Variants in KERA observed in about 807,000 individuals in gnomAD.
KERA encodes the protein keratocan.
KERA carries 25 observed loss-of-function variants against 26.4 expected under a neutral mutation model. The observed-to-expected ratio is 0.95, with a 90% CI of 0.69 to 1.32. The LOEUF (loss-of-function observed/expected upper bound fraction) is 1.32. KERA is among the 40% of genes most tolerant of loss of function. KERA has a pLI of 0.00. For missense variants in KERA, 434 were observed against 408.9 expected (o/e 1.06, Z -0.53); for synonymous variants, 167 against 146.1 (o/e 1.14, Z -1.03).
intron 1 of KERA, among the ~76,000 whole-genome samples, chr12:91,057,468 G>A (rs149857559): frequency 0.029 from 4,310 of 150,372 alleles, 88 homozygotes; most frequent in Non-Finnish European, 0.046. Flanking sequence ...TGATTCCTTA[G>A]GAAAAGATAA....
intron 2 of KERA, among the ~76,000 whole-genome samples, chr12:91,055,035 A>G (rs1878955936): frequency 6.6e-6 from 1 of 151,248 alleles, no homozygotes; most frequent in Non-Finnish European, 1.5e-5. Context: ...CTTTATTACT[A>G]GTCATGAGGT....
intron 1 of KERA, among the ~76,000 whole-genome samples, chr12:91,057,079 T>C (rs1368570361): frequency 6.6e-6 from 1 of 150,614 alleles, no homozygotes; most frequent in African/African-American, 2.4e-5. Context: ...GTTGAATACA[T>C]TGTGATGTAT....
At chr12:91,054,869 G>A (rs1878951051) in intron 2 of KERA, among the ~76,000 whole-genome samples, 1 of 151,194 alleles carries the variant, frequency 6.6e-6, no homozygotes, top group Non-Finnish European at 1.5e-5. Flanking sequence ...CAGAAATTCT[G>A]GGGGTGGAGT....
chr12:91,054,872 G>T (rs913320292), intron 2 of KERA, among the ~76,000 whole-genome samples: 38 of 151,170 alleles, frequency 2.5e-4, no homozygotes, highest in African/African-American at 9.0e-4. Flanking sequence ...AAATTCTGGG[G>T]GTGGAGTCAC....
rs375826916 is a variant in KERA at position 91,054,540 on chromosome 12, G to T, written c.886+856C>A. The stretch of plus-strand genomic sequence containing the variant: ...GCCTAGTCTCATGCATAATTGTGAA[G>T]AAGCCAAGTTTGTCTCTAATGTGTC... On this transcript the variant is annotated intron_variant, in intron 2 of 2. Coordinates refer to ENST00000266719, the MANE Select transcript of KERA (RefSeq NM_007035.4). Among the ~76,000 whole-genome samples, 5 of 151,360 alleles carry T rather than the reference G, an allele frequency of 3.3e-5. No homozygotes were observed. In the South Asian group the frequency reaches 6.2e-4, roughly 19 times the overall value.
intron 2 of KERA, among the ~76,000 whole-genome samples, chr12:91,052,355 T>C (rs969478027): frequency 5.3e-5 from 8 of 151,492 alleles, no homozygotes; most frequent in African/African-American, 1.9e-4. Context: ...TGAATCCATA[T>C]ATTACCTTTA....
intron 1 of KERA, among the ~76,000 whole-genome samples, chr12:91,056,983 C>G (rs974014273): frequency 4.0e-5 from 6 of 150,794 alleles, no homozygotes; most frequent in African/African-American, 7.3e-5. Flanking sequence ...CCCTTTCTCT[C>G]TCTCTCTCTC....
In KERA at chr12:91,055,683, G is replaced by A; in HGVS notation, c.599C>T (p.Ala200Val). The change falls in exon 2 of 3, where the codon GCC (alanine) becomes GTC (valine). Residue 200 changes from alanine to valine, a missense_variant. Physicochemically the swap from Ala to Val is moderately conservative, Grantham distance 64. Coordinates refer to ENST00000266719, the MANE Select transcript of KERA (RefSeq NM_007035.4). ...GLKNLMQLNM[A>V]KNALRNMPPR... ...AGGCATATTCCTCAGGGCATTCTTG[G>A]CCATGTTTAGCTGCATGAGATTCTT... 5 of 1,611,304 alleles carry A rather than the reference G, an allele frequency of 3.1e-6. No individual in the cohort carries two copies. Among genetic ancestry groups the A allele is most frequent in the Non-Finnish European group, 4.2e-6 (5 of 1,178,196 alleles).
At chr12:91,054,516 C>A (rs1878941709) in intron 2 of KERA, among the ~76,000 whole-genome samples, 1 of 151,246 alleles carries the variant, frequency 6.6e-6, no homozygotes, top group Admixed American at 6.6e-5. Context: ...CCAAGTCCAG[C>A]CTAGTCTCAT....
chr12:91,057,045 T>C (rs112978642), intron 1 of KERA, among the ~76,000 whole-genome samples: 11 of 150,812 alleles, frequency 7.3e-5, no homozygotes, highest in Non-Finnish European at 1.2e-4. Flanking sequence ...TATGTATATA[T>C]AGAGATAGAG....
At chr12:91,055,058 G>A (rs1319214871) in intron 2 of KERA, among the ~76,000 whole-genome samples, 1 of 151,086 alleles carries the variant, frequency 6.6e-6, no homozygotes, top group Non-Finnish European at 1.5e-5. Context: ...TTTGTGCCTG[G>A]TATGGTTTCT....
Position 91,051,477 on chromosome 12 carries a change from G to T in KERA, c.928C>A (p.Pro310Thr). Residue 310 changes from proline (P) to threonine (T), a missense_variant, in exon 3 of 3, where the codon CCT (proline) becomes ACT (threonine). By Grantham distance (38) the Pro-to-Thr change is conservative (BLOSUM62 -1). Coordinates refer to ENST00000266719, the MANE Select transcript of KERA (RefSeq NM_007035.4). ...SVICPSPSMLPAERDSFSYGP... is the reference protein window; with the variant it reads ...SVICPSPSMLTAERDSFSYGP... ...TAACTGAAGGAATCTCGTTCTGCAG[G>T]CAGCATGGATGGGCTGGGACATATT... is the stretch of plus-strand genomic sequence containing the variant. The T allele has an allele frequency of 6.2e-7, 1 of 1,610,664 alleles. No individual in the cohort carries two copies. Among genetic ancestry groups the T allele is most frequent in the African/African-American group, 1.3e-5 (1 of 74,802 alleles).
At chr12:91,051,980 C>T (rs538780373) in intron 2 of KERA, among the ~76,000 whole-genome samples, 10 of 151,436 alleles carry the variant, frequency 6.6e-5, no homozygotes, top group Non-Finnish European at 1.2e-4. Flanking sequence ...AGTAGAAAAT[C>T]AATCTAATAT....
rs779832101 is a variant in KERA at position 91,055,428 on chromosome 12, T to C, written c.854A>G (p.Gln285Arg). The C allele has an allele frequency of 1.7e-5, 28 of 1,610,296 alleles. No individual in the cohort carries two copies. The highest frequency in any genetic ancestry group is 1.3e-5 in the Non-Finnish European group (15 of 1,177,578). ...TKVPRISAHL[Q>R]HLHLDHNKIK... ...TTTGTTATGATCAAGGTGAAGGTGC[T>C]GCAGATGAGCACTGATTCGGGGAAC... Residue 285 changes from glutamine to arginine, a missense_variant, in exon 2 of 3, where the codon CAG becomes CGG. Transcript: ENST00000266719.
rs752958703 is a variant in KERA, at chr12:91,051,510, C to A, written c.895G>T (p.Val299Phe). 6.2e-7 allele frequency: 1 copy of A among 1,607,130 alleles called. No homozygotes were observed. Among genetic ancestry groups the A allele is most frequent in the South Asian group, 1.1e-5 (1 of 90,962 alleles). The change falls in exon 3 of 3, where the codon GTC (valine) becomes TTC (phenylalanine). Residue 299 changes from valine to phenylalanine, a missense_variant. Val to Phe is a conservative substitution (Grantham distance 50). Transcript: ENST00000266719. ...GATGGGCTGGGACATATTACAGAGACATTCACACCTACAGTGACAAAGAGA... is the reference window on the plus strand; with the variant it reads ...GATGGGCTGGGACATATTACAGAGAAATTCACACCTACAGTGACAAAGAGA... ...LDHNKIKSVN[V>F]SVICPSPSML...
Position 91,055,726 on chromosome 12 carries a change from C to A in KERA, c.556G>T (p.Asp186Tyr), listed in dbSNP as rs756854659. Residue 186 changes from aspartate to tyrosine, a missense_variant, in exon 2 of 3, where the codon GAC becomes TAC. Transcript: ENST00000266719. ...NKLVDNAFQR[D>Y]TFKGLKNLMQ... ...AGATTCTTGAGTCCTTTAAAAGTGT[C>A]TCTTTGAAAGGCATTGTCCACTAAT... The A allele has an allele frequency of 1.5e-5, 24 of 1,611,384 alleles. No individual in the cohort carries two copies. Among genetic ancestry groups the A allele is most frequent in the Non-Finnish European group, 2.0e-5 (24 of 1,178,248 alleles).
chr12:91,051,511 A>G lies in KERA; in HGVS notation c.894T>C (p.Asn298=). 1.2e-6 allele frequency: 2 copies of G among 1,606,922 alleles called. No individual in the cohort carries two copies. The highest frequency in any genetic ancestry group is 1.7e-6 in the Non-Finnish European group (2 of 1,174,284). ...HLDHNKIKSV[N]VSVICPSPSM... is the part of the protein sequence containing the mutation. ...ATGGGCTGGGACATATTACAGAGAC[A>G]TTCACACCTACAGTGACAAAGAGAA... Residue 298 remains asparagine, a synonymous_variant, in exon 3 of 3, where the codon AAT becomes AAC. Transcript: ENST00000266719.
At chr12:91,052,042 C>T (rs1342663076) in intron 2 of KERA, among the ~76,000 whole-genome samples, 1 of 151,538 alleles carries the variant, frequency 6.6e-6, no homozygotes, top group East Asian at 1.9e-4. Flanking sequence ...GTGTGCATAA[C>T]ATGATTTTAA....
At position 91,056,306 on chromosome 12, in the gene KERA, A is replaced by C. The variant is rs1296304136; in HGVS notation, c.-8-17T>G. On this transcript the variant is annotated splice_polypyrimidine_tract_variant and intron_variant, in intron 1 of 2. Transcript: ENST00000266719. ...TTATAGCACCTACAGAAAAAGGAACACAACTGTTAGATATTTGAAGATCTT... is the reference window on the plus strand; with the variant it reads ...TTATAGCACCTACAGAAAAAGGAACCCAACTGTTAGATATTTGAAGATCTT... The C allele has an allele frequency of 6.3e-7, 1 of 1,590,264 alleles. No homozygotes were observed. The highest frequency in any genetic ancestry group is 8.6e-7 in the Non-Finnish European group (1 of 1,161,600).
Sources: allele counts gnomAD v4.1 joint callset (sites outside exome capture counted in the v4.1 genomes callset), GRCh38; gene constraint gnomAD v4.1.1; transcripts MANE v1.5; gene names NCBI Gene and HGNC (gene_info 2026-07-23, HGNC 2026-07-21).